Variants in MCM3AP observed in about 807,000 individuals in gnomAD.
MCM3AP encodes minichromosome maintenance complex component 3 associated protein.
MCM3AP carries 126 observed loss-of-function variants against 184.1 expected under a neutral mutation model. The observed-to-expected ratio is 0.68, with a 90% CI of 0.59 to 0.79. The LOEUF (loss-of-function observed/expected upper bound fraction) is 0.79. MCM3AP is among the 30% of genes least tolerant of loss of function. The probability of loss-of-function intolerance (pLI) is 0.00; values close to 1 mark genes in which losing one functional copy is unlikely to be tolerated. For missense variants in MCM3AP, 2,496 were observed against 2,479.2 expected (o/e 1.01, Z -0.14); for synonymous variants, 1,002 against 979.3 (o/e 1.02, Z -0.43).
intron 20 of MCM3AP, chr21:46,247,508 C>G (rs2123837289): frequency 6.6e-6 from 1 of 151,850 alleles, no homozygotes; most frequent in South Asian, 2.1e-4. Flanking sequence ...AGGTGCCCAC[C>G]ACCACACCCA....
chr21:46,267,050 C>T lies in MCM3AP; in HGVS notation c.2721G>A (p.Met907Ile). 6.2e-7 allele frequency: 1 copy of T among 1,614,214 alleles called. No homozygotes were observed. Among genetic ancestry groups the T allele is most frequent in the Non-Finnish European group, 8.5e-7 (1 of 1,180,026 alleles). Residue 907 changes from methionine (M) to isoleucine (I), a missense_variant, in exon 10 of 28, where the codon ATG becomes ATA. Physicochemically the swap from Met to Ile is conservative, Grantham distance 10. Around this residue, in one of 5 missense-constraint regions of MCM3AP, gnomAD observed 138 missense variants for 191.9 expected, o/e 0.72. Transcript: ENST00000291688. ...CCTCTTCACAGTCTCTGAACAGCAG[C>T]ATGCGCACCACACCATCCAGGGGAA... ...TIFPLDGVVR[M>I]LLFRDCEEAT...
rs1269789449 is a variant in MCM3AP, at chr21:46,277,521, C to A, written c.1858+6G>T. ...CCCCTAGAACCTCTGCCACCAAGTGCCATACCTTGCCGCATGATCCTGTCT... is the reference window on the plus strand; with the variant it reads ...CCCCTAGAACCTCTGCCACCAAGTGACATACCTTGCCGCATGATCCTGTCT... On this transcript the variant is annotated splice_donor_region_variant and intron_variant, in intron 5 of 27. Transcript: ENST00000291688. 3 of 1,559,004 alleles carry A rather than the reference C, an allele frequency of 1.9e-6. No individual in the cohort carries two copies. Among genetic ancestry groups the A allele is most frequent in the Non-Finnish European group, 1.7e-6 (2 of 1,152,126 alleles).
At position 46,264,224 on chromosome 21, in the gene MCM3AP, A is replaced by G; in HGVS notation, c.3235-7T>C. ...CCACCACCTGCGCCAGGTCCTGTGG[A>G]GAGACCAGCATGGGGTGTAATGGAA... On this transcript the variant is annotated splice_region_variant and splice_polypyrimidine_tract_variant and intron_variant, in intron 12 of 27. Transcript: ENST00000291688. The G allele has an allele frequency of 6.3e-7, 1 of 1,592,804 alleles. No homozygotes were observed. The highest frequency in any genetic ancestry group is 8.6e-7 in the Non-Finnish European group (1 of 1,162,858).
chr21:46,273,470 A>G lies in MCM3AP; in HGVS notation c.2114T>C (p.Val705Ala). The G allele has an allele frequency of 6.2e-7, 1 of 1,613,990 alleles. No homozygotes were observed. Among genetic ancestry groups the G allele is most frequent in the South Asian group, 1.1e-5 (1 of 91,080 alleles). The change falls in exon 7 of 28, where the codon GTG becomes GCG. Residue 705 changes from valine to alanine, a missense_variant. By Grantham distance (64) the Val-to-Ala change is moderately conservative. Around this residue, in one of 5 missense-constraint regions of MCM3AP, gnomAD observed 130 missense variants for 199.8 expected, o/e 0.65. Transcript: ENST00000291688. Reference sequence around the variant, plus strand: ...CTCCTTCTGGTCCATGATCTGGGTCACCAGGTAGTCCATGGTCCTGCTGAG... The same window carrying G: ...CTCCTTCTGGTCCATGATCTGGGTCGCCAGGTAGTCCATGGTCCTGCTGAG... ...PVLSRTMDYL[V>A]TQIMDQKEGS...
intron 20 of MCM3AP, chr21:46,247,789 T>C (rs956312326): frequency 6.6e-6 from 1 of 152,160 alleles, no homozygotes; most frequent in African/African-American, 2.4e-5. Context: ...ATAACTTTAA[T>C]TAACCTTAAA....
chr21:46,282,203 C>G (rs746072919), intron 2 of MCM3AP, among the ~76,000 whole-genome samples: 8 of 151,970 alleles, frequency 5.3e-5, no homozygotes, highest in Non-Finnish European at 1.0e-4. Flanking sequence ...TTAGGATTAC[C>G]ATATGACCCA....
At chr21:46,280,217 A>C in intron 3 of MCM3AP, 80 bp from the exon 4 acceptor site, 1 of 1,423,092 alleles carries the variant, frequency 7.0e-7, no homozygotes, top group Non-Finnish European at 9.8e-7. Context: ...GTTTCTAAGA[A>C]AGTAATATTA....
At chr21:46,235,611 T>C (rs2080508435) in intron 27 of MCM3AP, among the ~76,000 whole-genome samples, 185 bp from the exon 28 acceptor site, 1 of 152,218 alleles carries the variant, frequency 6.6e-6, no homozygotes, top group Admixed American at 6.5e-5. Context: ...ATTCAGCTGG[T>C]ATCTGTATAT....
Position 46,284,937 on chromosome 21 carries a change from C to T in MCM3AP, c.350G>A (p.Ser117Asn). The change falls in exon 1 of 28, where the codon AGT (serine) becomes AAT (asparagine). Residue 117 changes from serine (S) to asparagine (N), a missense_variant. By Grantham distance (46) the Ser-to-Asn change is conservative. Around this residue, in one of 5 missense-constraint regions of MCM3AP, gnomAD observed 800 missense variants for 717.1 expected, o/e 1.12. Transcript: ENST00000291688. ...AGAAGTGCTTGGGAAAGCCCCAACA[C>T]TGGTGGGTGATTTAAAACTAAATCC... Reference protein sequence around the residue: ...NTGFSFKSPTSVGAFPSTSAF... With the variant: ...NTGFSFKSPTNVGAFPSTSAF... 6.2e-7 allele frequency: 1 copy of T among 1,614,160 alleles called. No individual in the cohort carries two copies. The highest frequency in any genetic ancestry group is 1.1e-5 in the South Asian group (1 of 91,088).
At chr21:46,251,900 T>G (rs1313152866) in intron 19 of MCM3AP, 8 of 378,728 alleles carry the variant, frequency 2.1e-5, no homozygotes, top group African/African-American at 1.2e-4. Flanking sequence ...TTTTTTTTTT[T>G]TTTGAGCCAG....
At chr21:46,239,385 C>G (rs2080607115) in intron 26 of MCM3AP, among the ~76,000 whole-genome samples, 1 of 152,220 alleles carries the variant, frequency 6.6e-6, no homozygotes, top group Non-Finnish European at 1.5e-5. Flanking sequence ...TGGCTTGAGC[C>G]ACGTGGTGGC....
chr21:46,240,625 A>G (rs1214251882), intron 26 of MCM3AP, among the ~76,000 whole-genome samples, 186 bp downstream of exon 26: 1 of 152,242 alleles, frequency 6.6e-6, no homozygotes, highest in East Asian at 1.9e-4. Context: ...AGTTAGAAAC[A>G]TACTATCTAG....
intron 13 of MCM3AP, 49 bp from the exon 14 acceptor site, chr21:46,261,460 T>C (rs772465951): frequency 3.5e-5 from 55 of 1,592,474 alleles, no homozygotes; most frequent in South Asian, 8.9e-5. Flanking sequence ...CAAGGCCGGG[T>C]GCGGTGGCTC....
chr21:46,281,154 C>T (rs1268206423), intron 2 of MCM3AP, among the ~76,000 whole-genome samples: 1 of 152,168 alleles, frequency 6.6e-6, no homozygotes, highest in East Asian at 1.9e-4. Context: ...CAAACTTGGC[C>T]TTGTTGGCAT....
rs751138126 is a variant in MCM3AP at position 46,272,789 on chromosome 21, G to A, written c.2237C>T (p.Ser746Phe). ...QQHLCDPLTVSLIEKCTRFHI... is the reference protein window; with the variant it reads ...QQHLCDPLTVFLIEKCTRFHI... The stretch of plus-strand genomic sequence containing the variant: ...AAACCGGGTGCACTTCTCAATCAGG[G>A]ACACCGTCAGGGGGTCACAGAGGTG... The change falls in exon 8 of 28, where the codon TCC becomes TTC. Residue 746 changes from serine to phenylalanine, a missense_variant. Physicochemically the swap from Ser to Phe is radical, Grantham distance 155 (BLOSUM62 -2). This residue lies in a region of MCM3AP where 105 missense variants were observed against 97.1 expected (regional missense o/e 1.08). Coordinates refer to ENST00000291688, the MANE Select transcript of MCM3AP (RefSeq NM_003906.5). 1.2e-6 allele frequency: 2 copies of A among 1,611,068 alleles called. No homozygotes were observed. Among genetic ancestry groups the A allele is most frequent in the South Asian group, 2.2e-5 (2 of 90,674 alleles).
In MCM3AP at chr21:46,280,148, A is replaced by C. The variant is rs747491367; in HGVS notation, c.1523-11T>G. ...GTTTCTTATTGGGGCCTGTGGACATAGGAGGCAGAAAAGAGTTTATGCAAT... is the reference window on the plus strand; with the variant it reads ...GTTTCTTATTGGGGCCTGTGGACATCGGAGGCAGAAAAGAGTTTATGCAAT... On this transcript the variant is annotated splice_polypyrimidine_tract_variant and intron_variant, in intron 3 of 27. Coordinates refer to ENST00000291688, the MANE Select transcript of MCM3AP (RefSeq NM_003906.5). 5.5e-5 allele frequency: 89 copies of C among 1,613,604 alleles called. No individual in the cohort carries two copies. Among genetic ancestry groups the C allele is most frequent in the Non-Finnish European group, 7.4e-5 (87 of 1,179,862 alleles).
chr21:46,236,408 C>G (rs1191512274), intron 27 of MCM3AP: 2 of 154,026 alleles, frequency 1.3e-5, no homozygotes, highest in Admixed American at 6.5e-5. Context: ...CTTGAACACT[C>G]TTGGGTGAGG....
At chr21:46,273,024 C>T (rs1439206599) in intron 7 of MCM3AP, among the ~76,000 whole-genome samples, 195 bp from the exon 8 acceptor site, 1 of 151,850 alleles carries the variant, frequency 6.6e-6, no homozygotes, top group Non-Finnish European at 1.5e-5. Flanking sequence ...AGAAGCCAGG[C>T]TGGAGTGCAG....
intron 11 of MCM3AP, 127 bp from the exon 12 acceptor site, chr21:46,265,650 A>G (rs1230183178): frequency 5.0e-6 from 4 of 802,718 alleles, no homozygotes; most frequent in Admixed American, 5.9e-5. Flanking sequence ...CCTGCCCTCC[A>G]GGAGACCAGC....
Sources: allele counts gnomAD v4.1 joint callset (sites outside exome capture counted in the v4.1 genomes callset), GRCh38; gene constraint gnomAD v4.1.1; regional missense constraint gnomAD v4.1.1; transcripts MANE v1.5; gene names NCBI Gene and HGNC (gene_info 2026-07-23, HGNC 2026-07-21).